Variants in NELL2 observed in about 807,000 individuals in gnomAD.
NELL2 encodes neural EGFL like 2, also known as protein kinase C-binding protein NELL2.
NELL2 carries 41 observed loss-of-function variants against 109.6 expected under a neutral mutation model. The observed-to-expected ratio is 0.37, with a 90% CI of 0.29 to 0.49. The LOEUF is 0.49. Ranked by LOEUF, NELL2 falls within the 20% of genes least tolerant of loss-of-function variation. The pLI is 0.98. For missense variants in NELL2, 900 were observed against 1,008.3 expected, an observed-to-expected ratio of 0.89 and a Z score of 1.45; for synonymous variants, 355 against 344.7, an observed-to-expected ratio of 1.03 and a Z score of -0.33.
At chr12:44,520,649 C>A (rs904084130) in intron 18 of NELL2, among the ~76,000 whole-genome samples, 3 of 151,900 alleles carry the variant, frequency 2.0e-5, no homozygotes, top group African/African-American at 7.3e-5. Context: ...AATGTTTTGT[C>A]CATTTACAAG....
chr12:44,675,932 C>T (rs1307892284), intron 12 of NELL2, among the ~76,000 whole-genome samples: 1 of 152,108 alleles, frequency 6.6e-6, no homozygotes, highest in Non-Finnish European at 1.5e-5. Flanking sequence ...AGCACTCAGG[C>T]ATGACACTCC....
chr12:44,861,670 C>T (rs1944848391), intron 2 of NELL2, among the ~76,000 whole-genome samples: 1 of 152,186 alleles, frequency 6.6e-6, no homozygotes, highest in Non-Finnish European at 1.5e-5. Context: ...TCTAAGGATG[C>T]CCATTCCATC....
chr12:44,598,335 A>G (rs1028836825), intron 15 of NELL2, among the ~76,000 whole-genome samples: 3 of 152,154 alleles, frequency 2.0e-5, no homozygotes, highest in Non-Finnish European at 4.4e-5. Context: ...CCCTTTGGGA[A>G]GAAGTACAGA....
intron 13 of NELL2, among the ~76,000 whole-genome samples, chr12:44,631,095 T>C (rs1946439877): frequency 1.3e-5 from 2 of 151,986 alleles, no homozygotes; most frequent in South Asian, 4.1e-4. Flanking sequence ...GGTATTATTA[T>C]ACTGGCTTCT....
chr12:44,729,574 A>AAAAAAC (rs1555206440), intron 9 of NELL2, among the ~76,000 whole-genome samples: 83 of 148,626 alleles, frequency 5.6e-4, no homozygotes, highest in South Asian at 2.3e-3. Flanking sequence ...TAAAAAAAAA[A>AAAAAAC]AAAACCAAGA....
intron 12 of NELL2, among the ~76,000 whole-genome samples, chr12:44,674,132 A>C (rs1350561417): frequency 1.3e-5 from 2 of 152,184 alleles, no homozygotes; most frequent in African/African-American, 4.8e-5. Context: ...ACTTTTTTTA[A>C]AACACAGTGC....
intron 9 of NELL2, among the ~76,000 whole-genome samples, chr12:44,772,560 G>C (rs1271153686): frequency 6.6e-6 from 1 of 152,126 alleles, no homozygotes; most frequent in Non-Finnish European, 1.5e-5. Context: ...ATTTCCCTAA[G>C]GGGAAATATC....
intron 13 of NELL2, among the ~76,000 whole-genome samples, chr12:44,625,923 C>T (rs1016189308): frequency 1.3e-5 from 2 of 151,518 alleles, no homozygotes; most frequent in African/African-American, 4.9e-5. Flanking sequence ...ATATTATGGA[C>T]AATTCTATAT....
chr12:44,520,320 G>A, intron 18 of NELL2, 91 bp from the exon 19 acceptor site: 3 of 881,806 alleles, frequency 3.4e-6, no homozygotes, highest in Non-Finnish European at 5.2e-6. Context: ...AGTGTTTACT[G>A]AATACTCAAT....
chr12:44,913,698 C>A (rs1945803368), intron 1 of NELL2: 1 of 491,104 alleles, frequency 2.0e-6, no homozygotes, highest in Non-Finnish European at 3.6e-6. Flanking sequence ...CACATCAAAA[C>A]CACAGCTGTT....
chr12:44,517,359 C>A (rs1941316236), intron 19 of NELL2, among the ~76,000 whole-genome samples: 2 of 146,592 alleles, frequency 1.4e-5, no homozygotes, highest in Non-Finnish European at 3.0e-5. Flanking sequence ...TGGTACCTAC[C>A]CACCAACTAC....
chr12:44,867,420 A>T (rs926907405), intron 2 of NELL2, among the ~76,000 whole-genome samples: 1 of 152,232 alleles, frequency 6.6e-6, no homozygotes, highest in African/African-American at 2.4e-5. Flanking sequence ...CATTTGACAA[A>T]ATTCAACATC....
chr12:44,883,731 A>G (rs1945440990), intron 1 of NELL2, among the ~76,000 whole-genome samples: 1 of 152,088 alleles, frequency 6.6e-6, no homozygotes, highest in Non-Finnish European at 1.5e-5. Context: ...ATTCCAATTG[A>G]AGTAATAACA....
At chr12:44,751,171 C>G (rs1178101510) in intron 9 of NELL2, among the ~76,000 whole-genome samples, 1 of 151,836 alleles carries the variant, frequency 6.6e-6, no homozygotes, top group Non-Finnish European at 1.5e-5. Context: ...GTAATAGGAG[C>G]TGAAATATAA....
upstream of NELL2, chr12:44,880,774 ACTAGGAAAGAAAACCAGAG>A (rs1945402053): frequency 6.6e-6 from 1 of 152,072 alleles, no homozygotes; most frequent in African/African-American, 2.4e-5. Context: ...TATCAAGCAA[ACTAGGAAAGAAAACCAGAG>A]TTTGAAGTAC....
chr12:44,744,980 G>A (rs1940241261), intron 9 of NELL2, among the ~76,000 whole-genome samples: 1 of 152,128 alleles, frequency 6.6e-6, no homozygotes, highest in South Asian at 2.1e-4. Flanking sequence ...TGATACCAAA[G>A]CCTGGCAGAG....
At chr12:44,815,214 A>G (rs1296356100) in intron 3 of NELL2, among the ~76,000 whole-genome samples, 4 of 151,992 alleles carry the variant, frequency 2.6e-5, no homozygotes, top group African/African-American at 9.7e-5. Context: ...AGAGCTCCTA[A>G]TCCTGTCTCA....
At chr12:44,768,645 T>G (rs1466477847) in intron 9 of NELL2, among the ~76,000 whole-genome samples, 1 of 152,196 alleles carries the variant, frequency 6.6e-6, no homozygotes, top group African/African-American at 2.4e-5. Context: ...TCAGCTCAAT[T>G]TTTTGCTGTG....
intron 15 of NELL2, among the ~76,000 whole-genome samples, chr12:44,575,304 A>G (rs1237661114): frequency 2.0e-5 from 3 of 152,282 alleles, no homozygotes; most frequent in African/African-American, 7.2e-5. Flanking sequence ...GTAAATAGAT[A>G]TAACATAATA....
Sources: allele counts gnomAD v4.1 joint callset (sites outside exome capture counted in the v4.1 genomes callset), GRCh38; gene constraint gnomAD v4.1.1; transcripts MANE v1.5; gene names NCBI Gene and HGNC (gene_info 2026-07-23, HGNC 2026-07-21).